PPM1H: variants seen among roughly 807,000 people sequenced by gnomAD.
The protein encoded by PPM1H is protein phosphatase, Mg2+/Mn2+ dependent 1H.
A neutral mutation model predicts 54.9 loss-of-function variants in PPM1H; 27 were observed. The observed-to-expected ratio is 0.49, with a 90% CI of 0.36 to 0.68. PPM1H has a LOEUF of 0.68. Among genes scored for constraint, PPM1H ranks in the 30% least tolerant of loss-of-function variants. The pLI is 0.00. For synonymous variants in PPM1H, 305 were observed against 270.8 expected (o/e 1.13, Z -1.24); for missense variants, 596 against 667.8 (o/e 0.89, Z 1.19).
chr12:62,701,627 G>A (rs2076144328), intron 6 of PPM1H, among the ~76,000 whole-genome samples: 1 of 151,512 alleles, frequency 6.6e-6, no homozygotes, highest in Non-Finnish European at 1.5e-5. Context: ...TTTGCACTCT[G>A]ACATCGTCGA....
At chr12:62,788,390 G>A in intron 3 of PPM1H, 52 bp from the exon 4 acceptor site, 2 of 1,167,360 alleles carry the variant, frequency 1.7e-6, no homozygotes. Context: ...TGTAGCAAAA[G>A]CTTTCTCACT....
At chr12:62,843,870 T>C (rs1269119734) in intron 1 of PPM1H, among the ~76,000 whole-genome samples, 2 of 152,226 alleles carry the variant, frequency 1.3e-5, no homozygotes, top group East Asian at 3.8e-4. Context: ...CTTTGAAAAC[T>C]AGCTGTTATC....
chr12:62,728,277 T>TA (rs2076301081), intron 5 of PPM1H, among the ~76,000 whole-genome samples: 1 of 151,912 alleles, frequency 6.6e-6, no homozygotes, highest in Admixed American at 6.6e-5. Context: ...TCTGAGCAGC[T>TA]AAAAAAAGGA....
intron 8 of PPM1H, among the ~76,000 whole-genome samples, chr12:62,677,513 A>T (rs183362125): frequency 6.6e-6 from 1 of 152,192 alleles, no homozygotes; most frequent in Non-Finnish European, 1.5e-5. Context: ...CCCAGTGCCC[A>T]CAGTGGAAGC....
At chr12:62,916,344 C>T (rs1307725098) in intron 1 of PPM1H, among the ~76,000 whole-genome samples, 1 of 152,168 alleles carries the variant, frequency 6.6e-6, no homozygotes, top group East Asian at 1.9e-4. Context: ...ACAATCTTAA[C>T]TATCAAACCA....
intron 1 of PPM1H, among the ~76,000 whole-genome samples, chr12:62,928,640 G>GT (rs1555206374): frequency 6.6e-6 from 1 of 152,178 alleles, no homozygotes; most frequent in Non-Finnish European, 1.5e-5. Flanking sequence ...CGCCAATCCT[G>GT]TTCCTTAAGC....
At chr12:62,706,276 T>G (rs543251255) in intron 6 of PPM1H, among the ~76,000 whole-genome samples, 1 of 152,348 alleles carries the variant, frequency 6.6e-6, no homozygotes, top group East Asian at 1.9e-4. Context: ...ATCTTGTAGC[T>G]TCCCATACTC....
chr12:62,837,671 G>T (rs890892609), intron 1 of PPM1H, among the ~76,000 whole-genome samples: 15 of 152,178 alleles, frequency 9.9e-5, no homozygotes, highest in African/African-American at 3.6e-4. Flanking sequence ...TCAGAAAAGA[G>T]TTATGAGAAT....
intron 4 of PPM1H, among the ~76,000 whole-genome samples, chr12:62,741,598 G>A (rs898306764): frequency 6.6e-6 from 1 of 152,110 alleles, no homozygotes; most frequent in African/African-American, 2.4e-5. Flanking sequence ...AACGCCTTCT[G>A]TTGTCCTCCT....
At chr12:62,888,414 G>C (rs1870667397) in intron 1 of PPM1H, among the ~76,000 whole-genome samples, 1 of 152,112 alleles carries the variant, frequency 6.6e-6, no homozygotes, top group Admixed American at 6.5e-5. Context: ...CCTATGAATG[G>C]TATTTAGAGA....
intron 4 of PPM1H, among the ~76,000 whole-genome samples, chr12:62,750,808 C>T (rs1221283824): frequency 2.0e-5 from 3 of 152,184 alleles, no homozygotes; most frequent in African/African-American, 4.8e-5. Flanking sequence ...ATTTCTTATT[C>T]AGCACCCTTT....
At chr12:62,712,498 G>A (rs149196142) in intron 6 of PPM1H, among the ~76,000 whole-genome samples, 79 of 152,336 alleles carry the variant, frequency 5.2e-4, no homozygotes, top group African/African-American at 1.7e-3. Flanking sequence ...GTGGCATGAC[G>A]GCAACATCAG....
intron 1 of PPM1H, among the ~76,000 whole-genome samples, chr12:62,918,848 G>A (rs763244141): frequency 2.0e-5 from 3 of 152,172 alleles, no homozygotes; most frequent in Admixed American, 6.5e-5. Context: ...TAGAATTATC[G>A]CAGTTGGAAA....
chr12:62,755,563 C>T (rs1431943198), intron 4 of PPM1H: 9 of 659,596 alleles, frequency 1.4e-5, no homozygotes, highest in South Asian at 4.9e-5. Flanking sequence ...TCACTTGCAG[C>T]GGGGAGCCAA....
chr12:62,666,744 C>T (rs559421735), intron 9 of PPM1H, among the ~76,000 whole-genome samples: 12 of 151,590 alleles, frequency 7.9e-5, no homozygotes, highest in South Asian at 2.1e-4. Context: ...GACAGAGGGT[C>T]GCTCTGTCAC....
intron 8 of PPM1H, among the ~76,000 whole-genome samples, chr12:62,683,001 T>C (rs2076028470): frequency 6.9e-6 from 1 of 145,210 alleles, no homozygotes; most frequent in African/African-American, 2.6e-5. Context: ...AAATTTATTA[T>C]TTATAGATAC....
chr12:62,673,561 A>C (rs1375082074), intron 8 of PPM1H, among the ~76,000 whole-genome samples: 2 of 151,830 alleles, frequency 1.3e-5, no homozygotes, highest in Non-Finnish European at 2.9e-5. Flanking sequence ...GATTCTCCAA[A>C]CTGGTTTTTC....
intron 1 of PPM1H, among the ~76,000 whole-genome samples, chr12:62,885,652 T>C (rs899189276): frequency 3.3e-5 from 5 of 152,188 alleles, no homozygotes; most frequent in South Asian, 2.1e-4. Context: ...CTACCATAGG[T>C]ACTCATGTCA....
intron 2 of PPM1H, among the ~76,000 whole-genome samples, chr12:62,817,418 C>T (rs762555729): frequency 2.5e-4 from 38 of 151,126 alleles, no homozygotes; most frequent in Non-Finnish European, 4.3e-4. Context: ...GCCAAGATAG[C>T]GCCACTGCAC....
Sources: gnomAD v4.1 joint callset for allele counts (sites outside exome capture counted in the v4.1 genomes callset) on GRCh38, gnomAD v4.1.1 for gene constraint, MANE v1.5 for transcripts, NCBI Gene and HGNC (gene_info 2026-07-23, HGNC 2026-07-21) for gene names.